Variants in MCPH1 observed in about 807,000 individuals in gnomAD.
MCPH1 encodes the protein microcephalin.
Under a neutral mutation model 84.5 loss-of-function variants are expected in MCPH1, and 104 were observed. The ratio of observed to expected loss-of-function variants is 1.23; its 90% CI spans 1.05 to 1.45. The LOEUF is 1.45. MCPH1 is among the 40% of genes most tolerant of loss of function. The pLI, the probability that MCPH1 is intolerant of heterozygous loss-of-function variation, is 0.00. For synonymous variants in MCPH1, 514 were observed against 366.8 expected (o/e 1.40, Z -4.58); for missense variants, 1,498 against 1,005.7 (o/e 1.49, Z -6.62).
intron 12 of MCPH1, among the ~76,000 whole-genome samples, chr8:6,547,865 C>T (rs762558748): frequency 1.4e-4 from 21 of 151,054 alleles, no homozygotes; most frequent in Non-Finnish European, 2.4e-4. Context: ...TTGTTTGTTT[C>T]AGTGAGTCAT....
intron 13 of MCPH1, among the ~76,000 whole-genome samples, chr8:6,622,762 T>C (rs112200500): frequency 0.014 from 2,188 of 152,338 alleles, 24 homozygotes; most frequent in Non-Finnish European, 0.023. Context: ...CTGGTATCTC[T>C]GTGTGTGTCC....
At chr8:6,480,403 G>A (rs562710044) in intron 10 of MCPH1, among the ~76,000 whole-genome samples, 4 of 152,274 alleles carry the variant, frequency 2.6e-5, no homozygotes, top group African/African-American at 9.6e-5. Flanking sequence ...ACAGGTGTGA[G>A]CCACCGCGCC....
At chr8:6,418,772 G>T (rs566310708) in intron 3 of MCPH1, among the ~76,000 whole-genome samples, 120 of 152,052 alleles carry the variant, frequency 7.9e-4, no homozygotes, top group Non-Finnish European at 1.3e-3. Flanking sequence ...AGTGGACACG[G>T]GGTTTCACCA....
chr8:6,467,671 C>G (rs557586471), intron 9 of MCPH1, among the ~76,000 whole-genome samples: 1 of 152,318 alleles, frequency 6.6e-6, no homozygotes, highest in African/African-American at 2.4e-5. Flanking sequence ...TCATAGCTCA[C>G]TGCAGCCTTG....
At chr8:6,407,374 A>T (rs112182477) in intron 1 of MCPH1, among the ~76,000 whole-genome samples, 2,051 of 152,160 alleles carry the variant, frequency 0.013, 48 homozygotes, top group African/African-American at 0.048. Flanking sequence ...GCAGAAACTA[A>T]GGCATCGGAC....
chr8:6,497,983 C>A (rs1349352346), intron 11 of MCPH1, among the ~76,000 whole-genome samples: 1 of 152,130 alleles, frequency 6.6e-6, no homozygotes, highest in Non-Finnish European at 1.5e-5. Context: ...CCTTCCCTGC[C>A]TTGAACAGGA....
At chr8:6,511,863 T>C (rs2922905) in intron 12 of MCPH1, among the ~76,000 whole-genome samples, 65,772 of 151,228 alleles carry the variant, frequency 0.43, 14,565 homozygotes, top group Middle Eastern at 0.53. Context: ...TAAAAATCTT[T>C]TTATACAAAC....
At chr8:6,618,308 C>T (rs1831064543) in intron 12 of MCPH1, among the ~76,000 whole-genome samples, 1 of 152,188 alleles carries the variant, frequency 6.6e-6, no homozygotes. Context: ...TAAAATGTAC[C>T]AGTGTGGGGG....
intron 11 of MCPH1, among the ~76,000 whole-genome samples, chr8:6,487,701 A>C (rs1022393877): frequency 1.3e-5 from 2 of 152,192 alleles, no homozygotes; most frequent in Admixed American, 6.5e-5. Flanking sequence ...TTGCAAGCTG[A>C]CTAGGATCTC....
chr8:6,619,525 A>C (rs61067608), intron 12 of MCPH1, among the ~76,000 whole-genome samples: 2,324 of 152,170 alleles, frequency 0.015, 55 homozygotes, highest in African/African-American at 0.053. Context: ...TCCTGACCTC[A>C]AGTGATCCAC....
At chr8:6,475,958 G>C (rs1808395585) in intron 9 of MCPH1, among the ~76,000 whole-genome samples, 1 of 152,148 alleles carries the variant, frequency 6.6e-6, no homozygotes, top group African/African-American at 2.4e-5. Flanking sequence ...TTGAGGACTG[G>C]GGGTGGCAGG....
chr8:6,646,686 T>C lies in MCPH1; in HGVS notation c.*3637T>C, dbSNP rs923077263. On this transcript the variant is annotated 3_prime_UTR_variant, in exon 14 of 14. Transcript: ENST00000344683. Reference sequence around the variant, plus strand: ...CTGTGGAGAGCTGTCCTGTGCACTGTAGAATGTTTAGCTGCATCCTGGCCT... The same window carrying C: ...CTGTGGAGAGCTGTCCTGTGCACTGCAGAATGTTTAGCTGCATCCTGGCCT... 1.3e-5 allele frequency: 2 copies of C among 152,202 alleles called. No individual in the cohort carries two copies. Among genetic ancestry groups the C allele is most frequent in the Admixed American group, 1.3e-4 (2 of 15,282 alleles). The allele number at this position is 152,202 out of a possible 1,614,324, so 9.4% of individuals were successfully genotyped here.
intron 11 of MCPH1, among the ~76,000 whole-genome samples, chr8:6,489,240 G>A (rs2129560833): frequency 6.6e-6 from 1 of 152,198 alleles, no homozygotes; most frequent in East Asian, 1.9e-4. Context: ...AAGGGAGTGT[G>A]AATGAAGAAA....
intron 12 of MCPH1, among the ~76,000 whole-genome samples, chr8:6,566,964 TGG>T (rs1826225097): frequency 7.0e-5 from 10 of 143,122 alleles, no homozygotes; most frequent in Middle Eastern, 4.6e-3. Context: ...GGCAAGGCCA[TGG>T]ATAGTACACG....
Position 6,645,006 on chromosome 8 carries a change from C to T in MCPH1, c.*1957C>T, listed in dbSNP as rs535866464. 10 of 152,354 alleles carry T rather than the reference C, an allele frequency of 6.6e-5. No individual in the cohort carries two copies. Among genetic ancestry groups the T allele is most frequent in the Admixed American group, 5.9e-4 (9 of 15,294 alleles). 9.4% of individuals were successfully genotyped at this position (152,354 alleles called of 1,614,324 possible). A position where few individuals can be genotyped will look rare whatever the true frequency, so the allele number is the denominator to read the frequency against. ...CAATACAATGAGTCATTCCTGAGTT[C>T]ACTCGCTTCACATTACATATGTTTC... On this transcript the variant is annotated 3_prime_UTR_variant, in exon 14 of 14. Transcript: ENST00000344683.
At chr8:6,593,608 C>T (rs1828690464) in intron 12 of MCPH1, among the ~76,000 whole-genome samples, 1 of 152,314 alleles carries the variant, frequency 6.6e-6, no homozygotes, top group East Asian at 1.9e-4. Flanking sequence ...CCCACCTCGG[C>T]CTCCCAAAGT....
intron 12 of MCPH1, among the ~76,000 whole-genome samples, chr8:6,565,679 C>T (rs1378209901): frequency 6.6e-6 from 1 of 152,186 alleles, no homozygotes; most frequent in Non-Finnish European, 1.5e-5. Context: ...GTGTCAGACA[C>T]CATGCTATGC....
intron 3 of MCPH1, among the ~76,000 whole-genome samples, chr8:6,424,059 G>A (rs915821405): frequency 6.6e-6 from 1 of 152,246 alleles, no homozygotes; most frequent in East Asian, 1.9e-4. Flanking sequence ...CACTGAAAAT[G>A]TGAACATTAA....
Position 6,413,118 on chromosome 8 carries a change from G to GTGTC in MCPH1, c.115-1644_115-1641dup, listed in dbSNP as rs562128419. Among the ~76,000 whole-genome samples, 466 of 152,188 alleles carry GTGTC rather than the reference G, an allele frequency of 3.1e-3. 4 individuals are homozygous for GTGTC. Among genetic ancestry groups the GTGTC allele is most frequent in the African/African-American group, 0.01 (435 of 41,474 alleles). On this transcript the variant is annotated intron_variant, in intron 2 of 13. Coordinates refer to ENST00000344683, the MANE Select transcript of MCPH1 (RefSeq NM_024596.5). ...AAAGGTAAAATTTTTGACACCATGA[G>GTGTC]TGTCTGAGCATGCCTTTATTATACT...
Sources: allele counts gnomAD v4.1 joint callset (sites outside exome capture counted in the v4.1 genomes callset), GRCh38; gene constraint gnomAD v4.1.1; transcripts MANE v1.5; gene names NCBI Gene and HGNC (gene_info 2026-07-23, HGNC 2026-07-21).